Variants in CFAP61 observed in about 807,000 individuals in gnomAD.
The protein encoded by CFAP61 is cilia- and flagella-associated protein 61.
A neutral mutation model predicts 135.6 loss-of-function variants in CFAP61; 107 were observed. The ratio of observed to expected loss-of-function variants is 0.79; its 90% CI spans 0.67 to 0.93. The LOEUF is 0.93. Ranked by LOEUF, CFAP61 falls within the 40% of genes least tolerant of loss-of-function variation. The probability of loss-of-function intolerance (pLI) is 0.00; values close to 1 mark genes in which losing one functional copy is unlikely to be tolerated. For synonymous variants in CFAP61, 575 were observed against 578.5 expected (o/e 0.99, Z 0.09); for missense variants, 1,507 against 1,556.2 (o/e 0.97, Z 0.53).
chr20:20,276,381 A>T (rs1461104686), intron 21 of CFAP61, among the ~76,000 whole-genome samples: 1 of 152,260 alleles, frequency 6.6e-6, no homozygotes, highest in Non-Finnish European at 1.5e-5. Context: ...ATTCAATGTC[A>T]AAAATAGCAT....
intron 8 of CFAP61, among the ~76,000 whole-genome samples, chr20:20,129,733 T>C (rs766718975): frequency 2.0e-5 from 3 of 151,570 alleles, no homozygotes; most frequent in Non-Finnish European, 2.9e-5. Context: ...ACAGTCTTTG[T>C]TGGTTTTCAT....
chr20:20,216,620 T>C (rs976573050), intron 17 of CFAP61, among the ~76,000 whole-genome samples: 7 of 152,214 alleles, frequency 4.6e-5, no homozygotes, highest in African/African-American at 1.7e-4. Flanking sequence ...GTTATTGCTG[T>C]TTGCTTGGTT....
intron 1 of CFAP61, chr20:20,055,872 AG>A: frequency 1.8e-6 from 2 of 1,132,358 alleles, no homozygotes; most frequent in Non-Finnish European, 2.7e-6. Flanking sequence ...GAAGGAAAGA[AG>A]GGAGGGAAAG....
intron 25 of CFAP61, among the ~76,000 whole-genome samples, chr20:20,311,983 C>T (rs867335761): frequency 6.1e-4 from 93 of 152,068 alleles, no homozygotes; most frequent in African/African-American, 1.9e-3. Context: ...TGCTGCAGTC[C>T]GACTTAATAA....
In CFAP61 at chr20:20,090,987, G is replaced by C. The variant is rs193043006; in HGVS notation, c.699+11G>C. 18 of 1,613,830 alleles carry C rather than the reference G, an allele frequency of 1.1e-5. No homozygotes were observed. The highest frequency in any genetic ancestry group is 1.4e-5 in the Non-Finnish European group (17 of 1,179,888). On this transcript the variant is annotated intron_variant, in intron 7 of 26. Transcript: ENST00000245957. ...GCTGTTGTGTGTGAGGTCAGTGACT[G>C]ATTCATGTGGGAACACACTTAGTGA...
At chr20:20,207,456 C>T (rs957396153) in intron 17 of CFAP61, among the ~76,000 whole-genome samples, 4 of 152,208 alleles carry the variant, frequency 2.6e-5, no homozygotes, top group Admixed American at 6.5e-5. Context: ...TGCCTCCGGA[C>T]GCATCAGCTG....
intron 2 of CFAP61, 142 bp downstream of exon 2, chr20:20,056,938 CA>C (rs2044392423): frequency 1.5e-6 from 1 of 689,578 alleles, no homozygotes; most frequent in South Asian, 1.8e-5. Flanking sequence ...GCCGACATGG[CA>C]AAACCTCATC....
intron 18 of CFAP61, among the ~76,000 whole-genome samples, chr20:20,231,149 A>T (rs1327277055): frequency 1.3e-5 from 2 of 151,932 alleles, no homozygotes; most frequent in African/African-American, 4.8e-5. Flanking sequence ...GCCCAAACTC[A>T]CTCCCTGATA....
At chr20:20,348,563 A>C (rs1358101645) in intron 26 of CFAP61, among the ~76,000 whole-genome samples, 1 of 151,732 alleles carries the variant, frequency 6.6e-6, no homozygotes, top group Admixed American at 6.6e-5. Flanking sequence ...GGTAGCACAC[A>C]CCTGTAATCT....
intron 26 of CFAP61, among the ~76,000 whole-genome samples, chr20:20,351,391 G>A (rs1237906097): frequency 2.0e-5 from 3 of 152,056 alleles, no homozygotes; most frequent in South Asian, 2.1e-4. Context: ...GACCAGCCTG[G>A]CCAACATGGT....
At chr20:20,265,387 G>A in intron 21 of CFAP61, 2 of 779,760 alleles carry the variant, frequency 2.6e-6, no homozygotes, top group South Asian at 1.3e-5. Context: ...TCTTTCATGT[G>A]CCTTTGTATT....
At chr20:20,052,868 G>C (rs1011063392) in intron 1 of CFAP61, 3 of 736,178 alleles carry the variant, frequency 4.1e-6, no homozygotes, top group Non-Finnish European at 4.4e-6. Context: ...CATTCTAGTA[G>C]TCTCTGGGTC....
At chr20:20,068,012 G>A (rs996643099) in intron 2 of CFAP61, among the ~76,000 whole-genome samples, 1 of 151,994 alleles carries the variant, frequency 6.6e-6, no homozygotes, top group Non-Finnish European at 1.5e-5. Flanking sequence ...GGCTTCCCAG[G>A]CCAACCCACA....
intron 1 of CFAP61, chr20:20,056,121 C>T: frequency 5.1e-6 from 4 of 777,632 alleles, no homozygotes; most frequent in Non-Finnish European, 8.5e-6. Context: ...GGTGGCCCTT[C>T]AGGAAGCCTA....
intron 25 of CFAP61, among the ~76,000 whole-genome samples, chr20:20,337,082 A>G (rs1279713218): frequency 6.6e-6 from 1 of 152,220 alleles, no homozygotes; most frequent in Non-Finnish European, 1.5e-5. Flanking sequence ...TGGGACAGAG[A>G]AGAGAGGGAG....
At chr20:20,329,665 A>T (rs528456296) in intron 25 of CFAP61, among the ~76,000 whole-genome samples, 104 of 152,116 alleles carry the variant, frequency 6.8e-4, no homozygotes, top group African/African-American at 2.5e-3. Flanking sequence ...CCCCATACAC[A>T]AGCATTTAGA....
At chr20:20,322,093 C>A (rs917572337) in intron 25 of CFAP61, among the ~76,000 whole-genome samples, 2 of 152,190 alleles carry the variant, frequency 1.3e-5, no homozygotes, top group Non-Finnish European at 2.9e-5. Context: ...CTGAGCCAAG[C>A]CTTCAAGTCA....
At chr20:20,264,856 C>T (rs2052576649) in intron 21 of CFAP61, among the ~76,000 whole-genome samples, 1 of 152,164 alleles carries the variant, frequency 6.6e-6, no homozygotes, top group Admixed American at 6.5e-5. Flanking sequence ...TATGCCACTG[C>T]ACTCCAGCCT....
intron 8 of CFAP61, among the ~76,000 whole-genome samples, chr20:20,099,495 A>G (rs1038993934): frequency 5.9e-5 from 9 of 152,140 alleles, no homozygotes; most frequent in African/African-American, 2.2e-4. Context: ...CAGACAGGCA[A>G]GTTACCATGG....
Sources: allele counts gnomAD v4.1 joint callset (sites outside exome capture counted in the v4.1 genomes callset), GRCh38; gene constraint gnomAD v4.1.1; transcripts MANE v1.5; gene names NCBI Gene and HGNC (gene_info 2026-07-23, HGNC 2026-07-21).